KIAA1217: variants seen among roughly 807,000 people sequenced by gnomAD.
KIAA1217 encodes sickle tail protein homolog.
Under a neutral mutation model 163.9 loss-of-function variants are expected in KIAA1217, and 88 were observed. That is an observed-to-expected ratio of 0.54 (90% CI 0.45 to 0.64). KIAA1217 has a LOEUF of 0.64. KIAA1217 is among the 30% of genes least tolerant of loss of function. The pLI is 0.00. For missense variants in KIAA1217, 2,372 were observed against 2,475.0 expected (o/e 0.96, Z 0.88); for synonymous variants, 903 against 923.1 (o/e 0.98, Z 0.39).
chr10:23,719,741 AC>A, intron 1 of KIAA1217, among the ~76,000 whole-genome samples: 1 of 151,852 alleles, frequency 6.6e-6, no homozygotes, highest in Non-Finnish European at 1.5e-5. Flanking sequence ...ACATGGTGAA[AC>A]CCCATCTCCA....
chr10:24,063,685 T>C (rs1418734217), intron 2 of KIAA1217, among the ~76,000 whole-genome samples: 4 of 152,198 alleles, frequency 2.6e-5, no homozygotes, highest in Non-Finnish European at 5.9e-5. Flanking sequence ...AAGAAAGTCA[T>C]TGGTAGCTTG....
chr10:23,968,431 G>A (rs1229074312), intron 1 of KIAA1217, among the ~76,000 whole-genome samples: 1 of 152,170 alleles, frequency 6.6e-6, no homozygotes, highest in Non-Finnish European at 1.5e-5. Flanking sequence ...CTTATGGAAA[G>A]CACCCAGTGC....
intron 1 of KIAA1217, among the ~76,000 whole-genome samples, chr10:23,862,018 C>G (rs1375108146): frequency 1.3e-5 from 2 of 152,162 alleles, no homozygotes; most frequent in Non-Finnish European, 1.5e-5. Flanking sequence ...GAGTCATAGA[C>G]TTTAGTTCTG....
intron 2 of KIAA1217, among the ~76,000 whole-genome samples, chr10:24,018,917 G>C (rs1434186817): frequency 2.6e-5 from 4 of 152,078 alleles, no homozygotes; most frequent in East Asian, 1.9e-4. Flanking sequence ...ATGAATAAAG[G>C]AGGGCATTAT....
chr10:24,187,639 C>T (rs2066500664), intron 2 of KIAA1217, among the ~76,000 whole-genome samples: 2 of 152,136 alleles, frequency 1.3e-5, no homozygotes, highest in Non-Finnish European at 2.9e-5. Flanking sequence ...GCCTATAATC[C>T]CAGCACTTTG....
At chr10:24,141,447 G>T (rs2064077723) in intron 2 of KIAA1217, among the ~76,000 whole-genome samples, 1 of 152,080 alleles carries the variant, frequency 6.6e-6, no homozygotes, top group Non-Finnish European at 1.5e-5. Context: ...TAAAGTCTCA[G>T]ATTCTTTGAA....
chr10:23,956,087 G>A lies in KIAA1217; in HGVS notation c.-320-51138G>A, dbSNP rs556635949. Among the ~76,000 whole-genome samples, 11 of 152,298 alleles carry A rather than the reference G, an allele frequency of 7.2e-5. No homozygotes were observed. In the South Asian group the frequency reaches 2.3e-3, roughly 32 times the overall value. ...TCCAAACCTCTAGGCAAAAGCACAG[G>A]CTCAGTGAAGACAAATAACTCTCAA... On this transcript the variant is annotated intron_variant, in intron 1 of 18. Coordinates refer to the KIAA1217 transcript ENST00000376462.
intron 1 of KIAA1217, among the ~76,000 whole-genome samples, chr10:23,754,393 A>G (rs1833817161): frequency 1.3e-5 from 2 of 152,242 alleles, no homozygotes. Context: ...TGACCCACAT[A>G]AGGAGTGTCT....
At chr10:24,092,928 T>TGTGTTGTGTGTG (rs548350322) in intron 2 of KIAA1217, among the ~76,000 whole-genome samples, 58 of 141,068 alleles carry the variant, frequency 4.1e-4, no homozygotes, top group African/African-American at 8.5e-4. Context: ...TGTGTGTGTG[T>TGTGTTGTGTGTG]TGTGTGTGTG....
intron 1 of KIAA1217, among the ~76,000 whole-genome samples, chr10:23,765,265 G>A (rs1157979924): frequency 1.6e-5 from 2 of 127,176 alleles, no homozygotes; most frequent in African/African-American, 6.1e-5. Context: ...CGCGATCTCC[G>A]CTCACTGCAA....
chr10:24,360,246 C>T (rs2049789541), intron 2 of KIAA1217, among the ~76,000 whole-genome samples: 1 of 151,822 alleles, frequency 6.6e-6, no homozygotes, highest in Non-Finnish European at 1.5e-5. Context: ...TGGGGTTTCA[C>T]CATGTTGGCC....
intron 2 of KIAA1217, among the ~76,000 whole-genome samples, chr10:24,252,237 G>T (rs923531474): frequency 2.0e-5 from 3 of 152,082 alleles, no homozygotes; most frequent in Admixed American, 2.0e-4. Flanking sequence ...TTATAATTTT[G>T]AAGATTAAGT....
chr10:23,805,227 TGCA>T (rs1335587585), intron 1 of KIAA1217, among the ~76,000 whole-genome samples: 1 of 152,158 alleles, frequency 6.6e-6, no homozygotes. Flanking sequence ...GTATGTTCAT[TGCA>T]GCACTCCTCA....
chr10:24,343,025 G>A (rs1428085631), intron 2 of KIAA1217, among the ~76,000 whole-genome samples: 3 of 152,118 alleles, frequency 2.0e-5, no homozygotes, highest in Non-Finnish European at 4.4e-5. Context: ...AGTTCCCTAT[G>A]CTAATTTAAA....
intron 1 of KIAA1217, among the ~76,000 whole-genome samples, chr10:23,932,414 T>TAAA (rs34748861): frequency 6.8e-6 from 1 of 147,436 alleles, no homozygotes. Flanking sequence ...CTTCTAGTCT[T>TAAA]AAAAAAAAAA....
intron 1 of KIAA1217, among the ~76,000 whole-genome samples, chr10:23,959,972 G>C (rs1005404109): frequency 6.9e-6 from 1 of 145,670 alleles, no homozygotes; most frequent in Admixed American, 7.1e-5. Flanking sequence ...CTGGAGCGCA[G>C]TGGTGCCATC....
At chr10:24,511,647 C>A (rs1203129370) in intron 9 of KIAA1217, among the ~76,000 whole-genome samples, 1 of 151,278 alleles carries the variant, frequency 6.6e-6, no homozygotes, top group Non-Finnish European at 1.5e-5. Context: ...AACTCCATCT[C>A]AAAAAAAACA....
At chr10:24,102,000 C>T (rs2062434822) in intron 2 of KIAA1217, among the ~76,000 whole-genome samples, 1 of 152,036 alleles carries the variant, frequency 6.6e-6, no homozygotes, top group Non-Finnish European at 1.5e-5. Flanking sequence ...ATACCAAAAG[C>T]CACTAAACTG....
At chr10:24,113,347 C>G (rs2131749310) in intron 2 of KIAA1217, among the ~76,000 whole-genome samples, 1 of 152,306 alleles carries the variant, frequency 6.6e-6, no homozygotes, top group Admixed American at 6.5e-5. Context: ...AGCTCAGGCT[C>G]TTTACTTAAC....
Sources: allele counts gnomAD v4.1 joint callset (sites outside exome capture counted in the v4.1 genomes callset), GRCh38; gene constraint gnomAD v4.1.1; transcripts MANE v1.5; gene names NCBI Gene and HGNC (gene_info 2026-07-23, HGNC 2026-07-21).